The following EYA4 variants were observed in gnomAD, a reference collection of about 807,000 sequenced individuals.
EYA4 encodes the protein protein phosphatase EYA4.
Under a neutral mutation model 87.9 loss-of-function variants are expected in EYA4, and 31 were observed. The observed-to-expected ratio is 0.35, with a 90% CI of 0.27 to 0.48. The LOEUF (loss-of-function observed/expected upper bound fraction) is 0.48, where lower values mean the gene tolerates loss of function less well. EYA4 is among the 20% of genes least tolerant of loss of function. The probability of loss-of-function intolerance (pLI) is 0.99; values close to 1 mark genes in which losing one functional copy is unlikely to be tolerated. For missense variants in EYA4, 678 were observed against 761.4 expected, an observed-to-expected ratio of 0.89 and a Z score of 1.29; for synonymous variants, 263 against 270.6, an observed-to-expected ratio of 0.97 and a Z score of 0.28.
chr6:133,358,712 C>T (rs1484398784), intron 2 of EYA4, among the ~76,000 whole-genome samples: 1 of 152,162 alleles, frequency 6.6e-6, no homozygotes, highest in Non-Finnish European at 1.5e-5. Flanking sequence ...AGGCACTGTG[C>T]TAAGCCTTGT....
chr6:133,428,715 T>C lies in EYA4; in HGVS notation c.84-17915T>C, dbSNP rs188385443. Among the ~76,000 whole-genome samples the C allele has an allele frequency of 1.7e-3, 263 of 152,140 alleles. 2 individuals carry two copies. Among genetic ancestry groups the C allele is most frequent in the South Asian group, 0.01 (50 of 4,822 alleles). On this transcript the variant is annotated intron_variant, in intron 3 of 19. Coordinates refer to ENST00000355286, the MANE Select transcript of EYA4 (RefSeq NM_004100.5). ...AAGTCAGACTACATGCTCCCTCCTT[T>C]ATATTCAGCGGAAGAGGCAGTTTGA... is the stretch of plus-strand genomic sequence containing the variant.
rs1431242172 is a variant in EYA4, at chr6:133,530,105, A to G, written c.*1300A>G. The G allele has an allele frequency of 1.0e-6, 1 of 985,276 alleles. No individual in the cohort carries two copies. Among genetic ancestry groups the G allele is most frequent in the African/African-American group, 1.7e-5 (1 of 57,378 alleles). The allele number at this position is 985,276 out of a possible 1,614,324, so 61.0% of individuals were successfully genotyped here. On this transcript the variant is annotated 3_prime_UTR_variant, in exon 20 of 20. Transcript: ENST00000355286. ...GGTGTCTAATGAAAGCAATGAGTCT[A>G]TGAAAATTTTACCTAGAATATCATC... is the stretch of plus-strand genomic sequence containing the variant.
intron 3 of EYA4, among the ~76,000 whole-genome samples, chr6:133,396,667 G>A (rs1469017468): frequency 6.6e-6 from 1 of 151,408 alleles, no homozygotes; most frequent in East Asian, 1.9e-4. Flanking sequence ...GAGAAACAAT[G>A]ATGAAAACCA....
At chr6:133,324,502 T>A (rs78172687) in intron 2 of EYA4, among the ~76,000 whole-genome samples, 422 of 152,090 alleles carry the variant, frequency 2.8e-3, no homozygotes, top group African/African-American at 9.7e-3. Context: ...ATTTTAAAAG[T>A]TTTTTTATGT....
chr6:133,476,799 C>T (rs1367435006), intron 11 of EYA4, among the ~76,000 whole-genome samples: 3 of 151,976 alleles, frequency 2.0e-5, no homozygotes, highest in Non-Finnish European at 2.9e-5. Context: ...ATGGTAGTTC[C>T]GTTTTTAGGA....
chr6:133,385,868 T>G (rs1171416980), intron 3 of EYA4, among the ~76,000 whole-genome samples: 1 of 152,196 alleles, frequency 6.6e-6, no homozygotes, highest in East Asian at 1.9e-4. Flanking sequence ...TACAAACCCA[T>G]GCAGTATAAG....
Position 133,523,155 on chromosome 6 carries a change from T to C in EYA4, c.1716T>C (p.Asn572=). Residue 572 remains asparagine (N), a synonymous_variant, in exon 18 of 20, where the codon AAT becomes AAC. Transcript: ENST00000355286. ...YSLGGAFPIE[N]IYSATKIGKE... Reference sequence around the variant, plus strand: ...TAGGAGGTGCTTTCCCCATTGAGAATATTTACAGTGCAACTAAAATAGGTA... The same window carrying C: ...TAGGAGGTGCTTTCCCCATTGAGAACATTTACAGTGCAACTAAAATAGGTA... 1 of 1,612,490 alleles carries C rather than the reference T, an allele frequency of 6.2e-7. No homozygotes were observed. The highest frequency in any genetic ancestry group is 8.5e-7 in the Non-Finnish European group (1 of 1,178,770).
chr6:133,409,352 C>G (rs1230867162), intron 3 of EYA4, among the ~76,000 whole-genome samples: 2 of 152,124 alleles, frequency 1.3e-5, no homozygotes, highest in East Asian at 3.9e-4. Flanking sequence ...AAGTGTTATT[C>G]AGCCTTAAAA....
chr6:133,516,269 A>T (rs1562509852), intron 17 of EYA4, among the ~76,000 whole-genome samples: 1 of 152,188 alleles, frequency 6.6e-6, no homozygotes, highest in Non-Finnish European at 1.5e-5. Flanking sequence ...GAGAATCAGA[A>T]AGAGTAACTG....
chr6:133,368,353 A>C (rs980444620), intron 2 of EYA4, among the ~76,000 whole-genome samples: 3 of 152,178 alleles, frequency 2.0e-5, no homozygotes, highest in African/African-American at 7.2e-5. Flanking sequence ...TGAAGAACTT[A>C]TTCTCCCAGA....
Position 133,296,689 on chromosome 6 carries a change from T to C in EYA4, c.33+21876T>C, listed in dbSNP as rs147872472. On this transcript the variant is annotated intron_variant, in intron 2 of 19. Transcript: ENST00000355286. Reference sequence around the variant, plus strand: ...AAAAGAGTTCAGTTTTTGTATGATGTGGGGTAGGTTTTTTTTCTCCTCTAT... The same window carrying C: ...AAAAGAGTTCAGTTTTTGTATGATGCGGGGTAGGTTTTTTTTCTCCTCTAT... Among the ~76,000 whole-genome samples the C allele has an allele frequency of 3.7e-3, 563 of 152,210 alleles. 3 individuals are homozygous for C. Among genetic ancestry groups the C allele is most frequent in the African/African-American group, 0.013 (523 of 41,534 alleles).
chr6:133,327,947 C>T (rs1256049212), intron 2 of EYA4, among the ~76,000 whole-genome samples: 1 of 152,150 alleles, frequency 6.6e-6, no homozygotes, highest in Non-Finnish European at 1.5e-5. Flanking sequence ...GTGTCACTTT[C>T]ATATGGGCCA....
intron 11 of EYA4, among the ~76,000 whole-genome samples, chr6:133,475,193 A>G (rs1795618093): frequency 6.6e-6 from 1 of 152,116 alleles, no homozygotes; most frequent in Non-Finnish European, 1.5e-5. Context: ...TACCATGCTG[A>G]TTAAGAGCAG....
At chr6:133,483,345 T>C (rs1796388833) in intron 13 of EYA4, among the ~76,000 whole-genome samples, 1 of 152,178 alleles carries the variant, frequency 6.6e-6, no homozygotes, top group Non-Finnish European at 1.5e-5. Flanking sequence ...GACTGAGTTT[T>C]CTACATCAAG....
chr6:133,399,057 T>C (rs1351170348), intron 3 of EYA4, among the ~76,000 whole-genome samples: 1 of 152,202 alleles, frequency 6.6e-6, no homozygotes, highest in Admixed American at 6.5e-5. Flanking sequence ...TCCTCTCTTA[T>C]TTTGACCAGC....
rs571465345 is a variant in EYA4, at chr6:133,385,845, G to C, written c.83+3404G>C. Among the ~76,000 whole-genome samples, 13 of 152,116 alleles carry C rather than the reference G, an allele frequency of 8.5e-5. No individual in the cohort carries two copies. The East Asian group carries it at 1.9e-3, about 23-fold the overall frequency. ...TGGGCTGCAGATGTAATGGTATATT[G>C]GGAAAAAGAATTTACAAACCCATGC... is the stretch of plus-strand genomic sequence containing the variant. On this transcript the variant is annotated intron_variant, in intron 3 of 19. Transcript: ENST00000355286.
At chr6:133,270,743 G>A (rs539356222) in intron 1 of EYA4, among the ~76,000 whole-genome samples, 1 of 152,202 alleles carries the variant, frequency 6.6e-6, no homozygotes, top group African/African-American at 2.4e-5. Context: ...CTTAATCATA[G>A]GGCGTGGTAA....
intron 3 of EYA4, among the ~76,000 whole-genome samples, chr6:133,426,512 A>G (rs191932648): frequency 4.1e-4 from 62 of 152,306 alleles, no homozygotes; most frequent in African/African-American, 1.4e-3. Context: ...ATGTCAGTAA[A>G]TTATCCCTCT....
intron 3 of EYA4, among the ~76,000 whole-genome samples, chr6:133,383,545 A>AAAAAAAAAAAAG (rs1312860441): frequency 3.3e-5 from 5 of 149,506 alleles, no homozygotes; most frequent in Admixed American, 6.7e-5. Flanking sequence ...AAAAAAAAAA[A>AAAAAAAAAAAAG]TGTAATGGCC....
Sources: gnomAD v4.1 joint callset for allele counts (sites outside exome capture counted in the v4.1 genomes callset) on GRCh38, gnomAD v4.1.1 for gene constraint, MANE v1.5 for transcripts, NCBI Gene and HGNC (gene_info 2026-07-23, HGNC 2026-07-21) for gene names.